Variants in DPY19L4 observed in about 807,000 individuals in gnomAD.
DPY19L4 encodes the protein probable C-mannosyltransferase DPY19L4.
DPY19L4 carries 97 observed loss-of-function variants against 102.8 expected under a neutral mutation model. That is an observed-to-expected ratio of 0.94 (90% CI 0.80 to 1.12). DPY19L4 has a LOEUF of 1.12. Ranked by LOEUF, DPY19L4 falls within the 50% of genes most tolerant of loss-of-function variation. DPY19L4 has a pLI of 0.00. For synonymous variants in DPY19L4, 252 were observed against 283.1 expected (o/e 0.89, Z 1.10); for missense variants, 815 against 850.4 (o/e 0.96, Z 0.52).
chr8:94,729,593 ATC>A, intron 2 of DPY19L4, among the ~76,000 whole-genome samples: 1 of 89,256 alleles, frequency 1.1e-5, no homozygotes, highest in Non-Finnish European at 2.1e-5. Context: ...AGGAGATTCC[ATC>A]TCAAAAAAAA....
intron 2 of DPY19L4, among the ~76,000 whole-genome samples, chr8:94,727,609 G>T (rs185636405): frequency 5.2e-4 from 79 of 152,308 alleles, no homozygotes; most frequent in African/African-American, 1.8e-3. Flanking sequence ...GGTGAAATCT[G>T]CAAGAAACCA....
chr8:94,758,037 G>A (rs1051247487), intron 7 of DPY19L4, among the ~76,000 whole-genome samples: 4 of 152,026 alleles, frequency 2.6e-5, no homozygotes, highest in Admixed American at 6.6e-5. Context: ...GCTTGAACCC[G>A]GAGGTGGGGG....
At chr8:94,754,779 C>T (rs1286281315) in intron 6 of DPY19L4, among the ~76,000 whole-genome samples, 1 of 152,124 alleles carries the variant, frequency 6.6e-6, no homozygotes, top group African/African-American at 2.4e-5. Flanking sequence ...GCTACAAAGA[C>T]ATTCCTATAT....
At chr8:94,767,379 C>T (rs965638525) in intron 11 of DPY19L4, among the ~76,000 whole-genome samples, 2 of 151,432 alleles carry the variant, frequency 1.3e-5, no homozygotes, top group Non-Finnish European at 2.9e-5. Context: ...CTGCAAGCTC[C>T]GCCTCCTGGG....
At chr8:94,728,393 A>G (rs1190028989) in intron 2 of DPY19L4, among the ~76,000 whole-genome samples, 4 of 152,160 alleles carry the variant, frequency 2.6e-5, no homozygotes, top group Non-Finnish European at 5.9e-5. Flanking sequence ...ATTGTTTTCC[A>G]TGGTCCTTGA....
intron 12 of DPY19L4, 102 bp downstream of exon 12, chr8:94,768,655 A>G: frequency 1.3e-6 from 1 of 769,512 alleles, no homozygotes; most frequent in Non-Finnish European, 1.9e-6. Context: ...TTTGTTTTAG[A>G]GCTTCTATTT....
intron 13 of DPY19L4, among the ~76,000 whole-genome samples, chr8:94,775,480 T>C (rs1277172337): frequency 2.6e-5 from 4 of 152,186 alleles, no homozygotes; most frequent in Admixed American, 2.0e-4. Context: ...CCTCTTAATT[T>C]TTAAAAACTA....
chr8:94,779,355 C>T (rs567033785), intron 14 of DPY19L4, among the ~76,000 whole-genome samples: 16 of 149,900 alleles, frequency 1.1e-4, no homozygotes, highest in Middle Eastern at 3.5e-3. Flanking sequence ...CAGAGTCTTA[C>T]GGTGTCTCCC....
chr8:94,736,212 G>A (rs555629447), intron 3 of DPY19L4, among the ~76,000 whole-genome samples: 15 of 152,222 alleles, frequency 9.9e-5, no homozygotes, highest in African/African-American at 3.6e-4. Flanking sequence ...CTGCCCTCAT[G>A]ACCTAATCAC....
chr8:94,730,962 C>G (rs1329613407), intron 2 of DPY19L4, among the ~76,000 whole-genome samples: 3 of 148,952 alleles, frequency 2.0e-5, no homozygotes, highest in Non-Finnish European at 4.5e-5. Context: ...CCAGGCTGGT[C>G]TCAAACTCCC....
chr8:94,768,590 A>C, intron 12 of DPY19L4, 37 bp downstream of exon 12: 2 of 1,152,246 alleles, frequency 1.7e-6, no homozygotes, highest in Non-Finnish European at 2.4e-6. Context: ...TTACTAACAT[A>C]AATTATGGAA....
In DPY19L4 at chr8:94,755,897, G is replaced by A; in HGVS notation, c.612-139G>A. The A allele has an allele frequency of 3.5e-6, 3 of 849,154 alleles. No homozygotes were observed. The East Asian group carries it at 9.4e-5, about 27-fold the overall frequency. 52.6% of individuals were successfully genotyped at this position (849,154 alleles called of 1,614,324 possible). A position where few individuals can be genotyped will look rare whatever the true frequency, so the allele number is the denominator to read the frequency against. On this transcript the variant is annotated intron_variant, in intron 6 of 18. Coordinates refer to ENST00000414645, the MANE Select transcript of DPY19L4 (RefSeq NM_181787.3). ...GAGACTCCATCTCAAAAAAAAAAAG[G>A]ACAATGGTGGATCTGGCTATGCCTA...
At chr8:94,767,228 T>C (rs1174096897) in intron 11 of DPY19L4, among the ~76,000 whole-genome samples, 1 of 151,986 alleles carries the variant, frequency 6.6e-6, no homozygotes, top group Non-Finnish European at 1.5e-5. Context: ...CGGCTAGGGA[T>C]TGAGGATTGG....
chr8:94,774,818 C>G (rs10102580), intron 13 of DPY19L4, among the ~76,000 whole-genome samples: 34,032 of 151,972 alleles, frequency 0.22, 3,901 homozygotes, highest in African/African-American at 0.27. Context: ...CTCAGGTGAT[C>G]TGCCCGCCTC....
chr8:94,788,640 C>T (rs1419074429), intron 18 of DPY19L4, among the ~76,000 whole-genome samples: 4 of 81,650 alleles, frequency 4.9e-5, no homozygotes, highest in Non-Finnish European at 8.1e-5. Context: ...AAGACTGACG[C>T]ACGCGCGCGC....
chr8:94,768,316 T>TATTAAAAA, intron 11 of DPY19L4, 79 bp from the exon 12 acceptor site: 1 of 1,146,670 alleles, frequency 8.7e-7, no homozygotes, highest in Middle Eastern at 2.9e-4. Context: ...TCTTAGTTTT[T>TATTAAAAA]GCTGATATTA....
At chr8:94,722,426 T>C (rs1280829779) in intron 1 of DPY19L4, among the ~76,000 whole-genome samples, 1 of 152,024 alleles carries the variant, frequency 6.6e-6, no homozygotes, top group Non-Finnish European at 1.5e-5. Flanking sequence ...ATAAATAAAA[T>C]GATAAATGAT....
intron 18 of DPY19L4, among the ~76,000 whole-genome samples, chr8:94,788,406 T>A (rs139633922): frequency 6.6e-6 from 1 of 152,162 alleles, no homozygotes; most frequent in Non-Finnish European, 1.5e-5. Flanking sequence ...AAAGAGCAAC[T>A]GGTTACCTTG....
intron 17 of DPY19L4, among the ~76,000 whole-genome samples, chr8:94,785,710 G>A (rs574202290): frequency 6.6e-6 from 1 of 152,138 alleles, no homozygotes; most frequent in South Asian, 2.1e-4. Context: ...ATCAGAGATG[G>A]GGAGATCTAC....
Sources: gnomAD v4.1 joint callset for allele counts (sites outside exome capture counted in the v4.1 genomes callset) on GRCh38, gnomAD v4.1.1 for gene constraint, MANE v1.5 for transcripts, NCBI Gene and HGNC (gene_info 2026-07-23, HGNC 2026-07-21) for gene names.